GFER: variants seen among roughly 807,000 people sequenced by gnomAD.
The protein encoded by GFER is FAD-linked sulfhydryl oxidase ALR.
In GFER, 24 loss-of-function variants were observed where a neutral mutation model predicts 18.2. The ratio of observed to expected loss-of-function variants is 1.32; its 90% CI spans 0.96 to 1.86. The LOEUF (loss-of-function observed/expected upper bound fraction) is 1.86. Among genes scored for constraint, GFER ranks in the 40% most tolerant of loss-of-function variants. The pLI is 0.00. For missense variants in GFER, 316 were observed against 295.6 expected, an observed-to-expected ratio of 1.07 and a Z score of -0.51; for synonymous variants, 138 against 126.9, an observed-to-expected ratio of 1.09 and a Z score of -0.59.
rs563965614 is a variant in GFER, at chr16:1,986,361, G to A, written c.*333G>A. On this transcript the variant is annotated 3_prime_UTR_variant, in exon 3 of 3. Coordinates refer to ENST00000248114, the MANE Select transcript of GFER (RefSeq NM_005262.3). ...TACCCTGGCGCCTCACTCCTCACAC[G>A]GGAAGACAGCGGGCCTGGCTGGGCA... 1,243 of 383,638 alleles carry A rather than the reference G, an allele frequency of 3.2e-3. 4 individuals are homozygous for A. The highest frequency in any genetic ancestry group is 5.6e-3 in the Non-Finnish European group (1,109 of 198,210). 23.8% of individuals were successfully genotyped at this position (383,638 alleles called of 1,614,324 possible).
In GFER at chr16:1,984,271, T is replaced by G. The variant is rs1396004776; in HGVS notation, c.53T>G (p.Leu18Arg). Residue 18 changes from leucine (L) to arginine (R), a missense_variant, in exon 1 of 3, where the codon CTG (leucine) becomes CGG (arginine). Leu to Arg is a moderately radical substitution (Grantham distance 102, BLOSUM62 -2). Coordinates refer to ENST00000248114, the MANE Select transcript of GFER (RefSeq NM_005262.3). ...TTCCACGGCGGGAACCTCTTCTTCC[T>G]GCCGGGGGGCGCGCGCTCCGAGATG... ...GRFHGGNLFFLPGGARSEMMD... is the reference protein window; with the variant it reads ...GRFHGGNLFFRPGGARSEMMD... 4.1e-6 allele frequency: 6 copies of G among 1,478,744 alleles called. No homozygotes were observed. The highest frequency in any genetic ancestry group is 4.8e-5 in the Admixed American group (2 of 42,098). 91.6% of individuals were successfully genotyped at this position (1,478,744 alleles called of 1,614,324 possible).
In GFER at chr16:1,984,492, C is replaced by G. The variant is rs759548245; in HGVS notation, c.258+16C>G. 1.9e-6 allele frequency: 3 copies of G among 1,555,150 alleles called. No homozygotes were observed. The highest frequency in any genetic ancestry group is 2.4e-5 in the East Asian group (1 of 42,062). On this transcript the variant is annotated intron_variant, in intron 1 of 2. Transcript: ENST00000248114. The stretch of plus-strand genomic sequence containing the variant: ...GCAGCAGAAGGTGCAGTTCCCTGCC[C>G]GATTTCTCCCAGCCCCGCGCAGCCC...
Position 1,986,453 on chromosome 16 carries a change from C to G in GFER, c.*425C>G, listed in dbSNP as rs529239322. 1.8e-3 allele frequency: 613 copies of G among 346,350 alleles called. No homozygotes were observed. Among genetic ancestry groups the G allele is most frequent in the Non-Finnish European group, 2.2e-3 (379 of 175,906 alleles). 21.5% of individuals were successfully genotyped at this position (346,350 alleles called of 1,614,324 possible). On this transcript the variant is annotated 3_prime_UTR_variant, in exon 3 of 3. Transcript: ENST00000248114. ...CTATGCAGCCAGGGATGCCCCTGCC[C>G]CCCATGGCTCTGTGCTGCTCACTTT...
At position 1,986,031 on chromosome 16, in the gene GFER, G is replaced by T. The variant is rs779641464; in HGVS notation, c.*3G>T. 8.0e-5 allele frequency: 129 copies of T among 1,612,262 alleles called. No individual in the cohort carries two copies. The highest frequency in any genetic ancestry group is 1.8e-4 in the Admixed American group (11 of 60,012). ...GGAAGGATGGCTCCTGTGACTAGAGGGTGGTCAGCCAGAGCTCATGGGACA... is the reference window on the plus strand; with the variant it reads ...GGAAGGATGGCTCCTGTGACTAGAGTGTGGTCAGCCAGAGCTCATGGGACA... On this transcript the variant is annotated 3_prime_UTR_variant, in exon 3 of 3. Coordinates refer to ENST00000248114, the MANE Select transcript of GFER (RefSeq NM_005262.3).
chr16:1,985,346 C>T (rs2083559115), intron 2 of GFER, among the ~76,000 whole-genome samples: 1 of 152,246 alleles, frequency 6.6e-6, no homozygotes, highest in Admixed American at 6.5e-5. Flanking sequence ...GATCCAAGAG[C>T]CAGCACTGGC....
rs563514338 is a variant in GFER at position 1,987,215 on chromosome 16, A to T, written c.*1187A>T. 1 of 152,810 alleles carries T rather than the reference A, an allele frequency of 6.5e-6. No homozygotes were observed. Among genetic ancestry groups the T allele is most frequent in the East Asian group, 1.9e-4 (1 of 5,190 alleles). 9.5% of individuals were successfully genotyped at this position (152,810 alleles called of 1,614,324 possible). A position where few individuals can be genotyped will look rare whatever the true frequency, so the allele number is the denominator to read the frequency against. ...CTGGGAGCCGCCGTGTGGGTCAGAG[A>T]TGGAGAAGGCTGAGTGCAGCAAGGT... On this transcript the variant is annotated 3_prime_UTR_variant, in exon 3 of 3. Coordinates refer to ENST00000248114, the MANE Select transcript of GFER (RefSeq NM_005262.3).
intron 1 of GFER, 83 bp from the exon 2 acceptor site, chr16:1,984,664 C>T: frequency 7.1e-7 from 1 of 1,409,904 alleles, no homozygotes; most frequent in Non-Finnish European, 9.9e-7. Context: ...GTCCAGTGGG[C>T]CACCGGCTGG....
In GFER at chr16:1,984,949, ATGTGTTTGCACGCAGCAGAGCTT is replaced by A; in HGVS notation, c.455+9_455+31del. The A allele has an allele frequency of 6.2e-7, 1 of 1,604,196 alleles. No individual in the cohort carries two copies. ...GCTGAAGACCTAAGAAAAAGGTAAGATGTGTTTGCACGCAGCAGAGCTTTGCACTGGAGCCTGGGCCTGGGGCT... is the reference window on the plus strand; with the variant it reads ...GCTGAAGACCTAAGAAAAAGGTAAGATGCACTGGAGCCTGGGCCTGGGGCT... On this transcript the variant is annotated splice_region_variant and intron_variant, in intron 2 of 2. Coordinates refer to ENST00000248114, the MANE Select transcript of GFER (RefSeq NM_005262.3).
At chr16:1,985,784 C>T (rs2083562913) in intron 2 of GFER, 82 bp from the exon 3 acceptor site, 1 of 1,306,138 alleles carries the variant, frequency 7.7e-7, no homozygotes, top group Non-Finnish European at 1.1e-6. Flanking sequence ...CCCAGCTCTC[C>T]TTCCTTGACA....
Position 1,984,412 on chromosome 16 carries a change from C to A in GFER, c.194C>A (p.Ala65Asp). ...PTSDSPVAED[A>D]SRRRPCRACV... ...TCCGATTCTCCTGTCGCCGAGGACG[C>A]CTCCCGGAGGCGGCCGTGCCGGGCC... The change falls in exon 1 of 3, where the codon GCC becomes GAC. Residue 65 changes from alanine to aspartate, a missense_variant. Coordinates refer to ENST00000248114, the MANE Select transcript of GFER (RefSeq NM_005262.3). 6.5e-7 allele frequency: 1 copy of A among 1,541,212 alleles called. No homozygotes were observed.
rs1338714193 is a variant in GFER at position 1,984,558 on chromosome 16, A to G, written c.258+82A>G. 1.0e-5 allele frequency: 15 copies of G among 1,468,270 alleles called. No individual in the cohort carries two copies. The Admixed American group carries it at 2.9e-4, about 29-fold the overall frequency. The allele number at this position is 1,468,270 out of a possible 1,614,324, so 91.0% of individuals were successfully genotyped here. ...CCCAGGTACCCCGGCAGAGCTTCCCAGGGTTGCCTGTCCCTGAACCTTGCC... is the reference window on the plus strand; with the variant it reads ...CCCAGGTACCCCGGCAGAGCTTCCCGGGGTTGCCTGTCCCTGAACCTTGCC... On this transcript the variant is annotated intron_variant, in intron 1 of 2. Transcript: ENST00000248114.
chr16:1,985,763 C>T (rs2150895630), intron 2 of GFER, 103 bp from the exon 3 acceptor site: 1 of 1,094,428 alleles, frequency 9.1e-7, no homozygotes. Context: ...AGGTGTAGTT[C>T]ACAGCAGTGC....
chr16:1,985,409 A>G (rs1158490423), intron 2 of GFER, among the ~76,000 whole-genome samples: 1 of 152,210 alleles, frequency 6.6e-6, no homozygotes, highest in Admixed American at 6.5e-5. Flanking sequence ...CATTGTTGCT[A>G]TAAGGCTGGT....
At position 1,984,534 on chromosome 16, in the gene GFER, C is replaced by G; in HGVS notation, c.258+58C>G. Reference sequence around the variant, plus strand: ...GCGCAGCCCCTGTCCCCGCCCCCGCCCAGGTACCCCGGCAGAGCTTCCCAG... The same window carrying G: ...GCGCAGCCCCTGTCCCCGCCCCCGCGCAGGTACCCCGGCAGAGCTTCCCAG... On this transcript the variant is annotated intron_variant, in intron 1 of 2. Transcript: ENST00000248114. The G allele has an allele frequency of 2.0e-6, 3 of 1,525,220 alleles. No individual in the cohort carries two copies. In the South Asian group the frequency reaches 3.6e-5, roughly 18 times the overall value. 94.5% of individuals were successfully genotyped at this position (1,525,220 alleles called of 1,614,324 possible).
Position 1,986,336 on chromosome 16 carries a change from T to G in GFER, c.*308T>G. The stretch of plus-strand genomic sequence containing the variant: ...AGGATGTAGCTTCCTGCCCACCGCA[T>G]ACCCTGGCGCCTCACTCCTCACACG... On this transcript the variant is annotated 3_prime_UTR_variant, in exon 3 of 3. Coordinates refer to ENST00000248114, the MANE Select transcript of GFER (RefSeq NM_005262.3). The G allele has an allele frequency of 2.4e-6, 1 of 411,860 alleles. No homozygotes were observed. The highest frequency in any genetic ancestry group is 4.6e-6 in the Non-Finnish European group (1 of 216,148). The allele number at this position is 411,860 out of a possible 1,614,324, so 25.5% of individuals were successfully genotyped here.
rs1385506589 is a variant in GFER at position 1,986,272 on chromosome 16, G to A, written c.*244G>A. ...AAGGAGCTGCAGCTGAACTGCAGGG[G>A]AGGGAAGGAGGAGCAGCCTGGGCTG... On this transcript the variant is annotated 3_prime_UTR_variant, in exon 3 of 3. Coordinates refer to ENST00000248114, the MANE Select transcript of GFER (RefSeq NM_005262.3). The A allele has an allele frequency of 9.1e-6, 5 of 546,464 alleles. No individual in the cohort carries two copies. The highest frequency in any genetic ancestry group is 1.7e-5 in the Non-Finnish European group (5 of 300,680). 33.9% of individuals were successfully genotyped at this position (546,464 alleles called of 1,614,324 possible).
rs139941314 is a variant in GFER, at chr16:1,985,953, G to A, written c.543G>A (p.Leu181=). Residue 181 remains leucine (L), a synonymous_variant, in exon 3 of 3, where the codon CTG becomes CTA. Coordinates refer to ENST00000248114, the MANE Select transcript of GFER (RefSeq NM_005262.3). ...CHLHNEVNRK[L]GKPDFDCSKV... ...TGCACAATGAAGTGAACCGCAAGCT[G>A]GGCAAGCCTGACTTCGACTGCTCAA... 4 of 1,613,006 alleles carry A rather than the reference G, an allele frequency of 2.5e-6. No homozygotes were observed. The highest frequency in any genetic ancestry group is 1.3e-5 in the African/African-American group (1 of 74,938).
intron 2 of GFER, 39 bp from the exon 3 acceptor site, chr16:1,985,827 G>A (rs541217652): frequency 2.1e-5 from 33 of 1,577,290 alleles, no homozygotes; most frequent in African/African-American, 2.7e-5. Context: ...CAGTGGAGCC[G>A]CTGCGTCCTC....
At chr16:1,984,994 G>T (rs1323952995) in intron 2 of GFER, 51 bp downstream of exon 2, 2 of 1,388,450 alleles carry the variant, frequency 1.4e-6, no homozygotes, top group African/African-American at 2.8e-5. Context: ...CTGGGCCTGG[G>T]GCTCCTGGCT....
Sources: gnomAD v4.1 joint callset for allele counts (sites outside exome capture counted in the v4.1 genomes callset) on GRCh38, gnomAD v4.1.1 for gene constraint, MANE v1.5 for transcripts, NCBI Gene and HGNC (gene_info 2026-07-23, HGNC 2026-07-21) for gene names.